GRM1: variants seen among roughly 807,000 people sequenced by gnomAD.
GRM1 encodes glutamate metabotropic receptor 1.
Under a neutral mutation model 90.9 loss-of-function variants are expected in GRM1, and 33 were observed. The observed-to-expected ratio is 0.36, with a 90% confidence interval of 0.28 to 0.49. The LOEUF (loss-of-function observed/expected upper bound fraction) is 0.49, where lower values mean the gene tolerates loss of function less well. Among genes scored for constraint, GRM1 ranks in the 20% least tolerant of loss-of-function variants. The pLI, the probability that GRM1 is intolerant of heterozygous loss-of-function variation, is 0.99. For synonymous variants in GRM1, 700 were observed against 613.2 expected, an observed-to-expected ratio of 1.14 and a Z score of -2.09; for missense variants, 1,190 against 1,534.3, an observed-to-expected ratio of 0.78 and a Z score of 3.75.
chr6:146,284,557 C>T (rs977514093), intron 2 of GRM1, among the ~76,000 whole-genome samples: 1 of 152,140 alleles, frequency 6.6e-6, no homozygotes, highest in Non-Finnish European at 1.5e-5. Flanking sequence ...ATTGTAATCC[C>T]CATGTGTTGA....
intron 1 of GRM1, among the ~76,000 whole-genome samples, chr6:146,068,769 T>C (rs1056257160): frequency 7.9e-5 from 12 of 152,186 alleles, no homozygotes; most frequent in Admixed American, 2.6e-4. Flanking sequence ...AATTAAAAAG[T>C]AGCTAAATGC....
At chr6:146,270,251 C>T (rs1232286770) in intron 2 of GRM1, among the ~76,000 whole-genome samples, 1 of 152,034 alleles carries the variant, frequency 6.6e-6, no homozygotes, top group African/African-American at 2.4e-5. Flanking sequence ...CAGGGATCAA[C>T]ACTTTTTTCT....
At chr6:146,091,573 C>A (rs1438827389) in intron 1 of GRM1, among the ~76,000 whole-genome samples, 3 of 152,024 alleles carry the variant, frequency 2.0e-5, no homozygotes, top group Admixed American at 2.0e-4. Flanking sequence ...GTTCAGGGAG[C>A]AGCCAGGGAA....
chr6:146,321,682 T>G (rs1423930234), intron 3 of GRM1, among the ~76,000 whole-genome samples: 2 of 152,198 alleles, frequency 1.3e-5, no homozygotes, highest in Non-Finnish European at 2.9e-5. Context: ...GATAGTTAGC[T>G]ATTCTTGTTG....
intron 2 of GRM1, among the ~76,000 whole-genome samples, chr6:146,274,572 G>T (rs1782286678): frequency 6.6e-6 from 1 of 152,126 alleles, no homozygotes; most frequent in Non-Finnish European, 1.5e-5. Context: ...TTGCAAAAGA[G>T]AGATGTTTTC....
chr6:146,047,834 G>A (rs985159581), intron 1 of GRM1, among the ~76,000 whole-genome samples: 8 of 151,988 alleles, frequency 5.3e-5, no homozygotes, highest in African/African-American at 1.9e-4. Flanking sequence ...CCAGAAGAAT[G>A]GTTATAACCT....
chr6:146,397,291 A>G (rs745785622), intron 6 of GRM1, among the ~76,000 whole-genome samples: 3 of 151,800 alleles, frequency 2.0e-5, no homozygotes, highest in Non-Finnish European at 2.9e-5. Context: ...TGGCTAACAC[A>G]GTGAAACCCC....
intron 2 of GRM1, among the ~76,000 whole-genome samples, chr6:146,204,345 A>G (rs1779422893): frequency 6.6e-6 from 1 of 152,246 alleles, no homozygotes; most frequent in Non-Finnish European, 1.5e-5. Flanking sequence ...CTGAACGTTT[A>G]CGGTTAGCAA....
chr6:146,158,422 G>A (rs1324706864), intron 1 of GRM1, among the ~76,000 whole-genome samples: 2 of 151,894 alleles, frequency 1.3e-5, no homozygotes, highest in African/African-American at 4.9e-5. Context: ...ATGGATGTTT[G>A]ACATCCACAT....
At chr6:146,378,767 G>A (rs1388314657) in intron 5 of GRM1, among the ~76,000 whole-genome samples, 1 of 152,148 alleles carries the variant, frequency 6.6e-6, no homozygotes, top group Non-Finnish European at 1.5e-5. Context: ...TGTTGAGAAG[G>A]CATAATAGGT....
intron 3 of GRM1, among the ~76,000 whole-genome samples, chr6:146,328,683 G>T (rs1784481835): frequency 6.6e-6 from 1 of 152,056 alleles, no homozygotes; most frequent in African/African-American, 2.4e-5. Context: ...AGAACCATGT[G>T]CCCTTTCCTG....
chr6:146,210,137 T>C (rs959070469), intron 2 of GRM1, among the ~76,000 whole-genome samples: 1 of 152,138 alleles, frequency 6.6e-6, no homozygotes. Flanking sequence ...AATTTTTCAG[T>C]GACTCAGCAG....
At chr6:146,188,690 A>G (rs1201262862) in intron 2 of GRM1, among the ~76,000 whole-genome samples, 1 of 152,242 alleles carries the variant, frequency 6.6e-6, no homozygotes, top group Non-Finnish European at 1.5e-5. Context: ...GTGAATGCTG[A>G]CGAAACGTTT....
chr6:146,105,179 G>T (rs975111082), intron 1 of GRM1, among the ~76,000 whole-genome samples: 1 of 152,196 alleles, frequency 6.6e-6, no homozygotes, highest in Non-Finnish European at 1.5e-5. Context: ...CTTTTGATGA[G>T]AAGTTTGAGT....
chr6:146,257,620 A>G (rs1781534307), intron 2 of GRM1, among the ~76,000 whole-genome samples: 1 of 152,142 alleles, frequency 6.6e-6, no homozygotes, highest in South Asian at 2.1e-4. Flanking sequence ...AAGAAGTTCC[A>G]TGTTCCGCTA....
intron 1 of GRM1, among the ~76,000 whole-genome samples, chr6:146,142,808 C>A (rs1014367513): frequency 2.0e-5 from 3 of 152,156 alleles, no homozygotes; most frequent in African/African-American, 7.2e-5. Context: ...CTCTTCTCAC[C>A]CAGGGAAGGT....
chr6:146,275,159 G>A (rs1782307837), intron 2 of GRM1, among the ~76,000 whole-genome samples: 1 of 150,240 alleles, frequency 6.7e-6, no homozygotes, highest in Admixed American at 6.6e-5. Context: ...ATTTCAAAAA[G>A]CGAAACTGAC....
intron 6 of GRM1, among the ~76,000 whole-genome samples, chr6:146,389,104 C>T (rs1223333522): frequency 2.0e-5 from 3 of 151,966 alleles, no homozygotes; most frequent in African/African-American, 7.3e-5. Context: ...CCTGCCAGGC[C>T]TCTTTTTCTT....
chr6:146,191,807 A>G (rs1234076618), intron 2 of GRM1, among the ~76,000 whole-genome samples: 1 of 152,006 alleles, frequency 6.6e-6, no homozygotes, highest in African/African-American at 2.4e-5. Flanking sequence ...AAAGCAATCT[A>G]TCACCTTTTG....
Sources: allele counts gnomAD v4.1 joint callset (sites outside exome capture counted in the v4.1 genomes callset), GRCh38; gene constraint gnomAD v4.1.1; transcripts MANE v1.5; gene names NCBI Gene and HGNC (gene_info 2026-07-23, HGNC 2026-07-21).